The following LRRC4C variants were observed in gnomAD, a reference collection of about 807,000 sequenced individuals.
LRRC4C encodes leucine rich repeat containing 4C.
Under a neutral mutation model 33.6 loss-of-function variants are expected in LRRC4C, and 5 were observed. That is an observed-to-expected ratio of 0.15 (90% CI 0.08 to 0.31). The LOEUF (loss-of-function observed/expected upper bound fraction) is 0.31. Among genes scored for constraint, LRRC4C ranks in the 10% least tolerant of loss-of-function variants. The pLI, the probability that LRRC4C is intolerant of heterozygous loss-of-function variation, is 1.00. For synonymous variants in LRRC4C, 329 were observed against 302.0 expected (o/e 1.09, Z -0.93); for missense variants, 560 against 796.7 (o/e 0.70, Z 3.58).
At chr11:40,121,440 C>G (rs1313920714) in intron 6 of LRRC4C, among the ~76,000 whole-genome samples, 1 of 152,130 alleles carries the variant, frequency 6.6e-6, no homozygotes, top group African/African-American at 2.4e-5. Context: ...ACTTTAATAT[C>G]TAAATTATGT....
Position 40,231,757 on chromosome 11 carries a change from A to C in LRRC4C, c.-96+9762T>G, listed in dbSNP as rs185298065. Among the ~76,000 whole-genome samples, 94 of 152,358 alleles carry C rather than the reference A, an allele frequency of 6.2e-4. 1 individual carries two copies. In the East Asian group the frequency reaches 0.015, roughly 24 times the overall value. ...AGTCTGGTTGTGTGTGTATACACAC[A>C]TACATATTTAATATTTACACAGTTT... On this transcript the variant is annotated intron_variant, in intron 5 of 6. Coordinates refer to ENST00000528697, the MANE Select transcript of LRRC4C (RefSeq NM_001258419.2).
intron 1 of LRRC4C, among the ~76,000 whole-genome samples, chr11:41,207,540 T>C (rs192192272): frequency 1.4e-4 from 21 of 152,218 alleles, no homozygotes; most frequent in Middle Eastern, 6.8e-3. Flanking sequence ...AGTGTCTTTA[T>C]AAGAAGAGGA....
intron 5 of LRRC4C, among the ~76,000 whole-genome samples, chr11:40,199,411 G>C (rs1862526148): frequency 2.6e-5 from 4 of 152,084 alleles, no homozygotes; most frequent in Admixed American, 2.0e-4. Context: ...GGGAAGGAGG[G>C]GTCCCAATTA....
intron 1 of LRRC4C, among the ~76,000 whole-genome samples, chr11:41,264,207 T>C (rs1308971098): frequency 6.6e-5 from 10 of 151,788 alleles, no homozygotes; most frequent in Admixed American, 1.3e-4. Context: ...TGCTCCTGCC[T>C]TAGCCTTCTG....
rs573307717 is a variant in LRRC4C, at chr11:40,755,120, C to T, written c.-406-106842G>A. ...GCATGATAAAGTTTAGCTCAGTTCA[C>T]AGTCATTGCACATTTTAGAATCAGG... On this transcript the variant is annotated intron_variant, in intron 2 of 6. Transcript: ENST00000528697. 3.9e-5 allele frequency among the ~76,000 whole-genome samples: 6 copies of T among 152,190 alleles called. No homozygotes were observed. The East Asian group carries it at 1.2e-3, about 29-fold the overall frequency.
At chr11:41,353,837 CAA>C (rs1199599017) in intron 1 of LRRC4C, among the ~76,000 whole-genome samples, 3 of 151,656 alleles carry the variant, frequency 2.0e-5, no homozygotes, top group Non-Finnish European at 4.4e-5. Flanking sequence ...TGTTAAAAAA[CAA>C]AACAACGCAA....
At chr11:40,131,943 C>A (rs376780758) in intron 6 of LRRC4C, among the ~76,000 whole-genome samples, 120 of 152,206 alleles carry the variant, frequency 7.9e-4, no homozygotes, top group African/African-American at 2.8e-3. Flanking sequence ...TGTACAGTAC[C>A]ATCATGGGTT....
chr11:40,227,525 C>T (rs1270993140), intron 5 of LRRC4C, among the ~76,000 whole-genome samples: 5 of 152,016 alleles, frequency 3.3e-5, no homozygotes, highest in African/African-American at 1.2e-4. Context: ...CATAGGTTGG[C>T]TTGTTTCTGA....
At chr11:40,812,387 G>T (rs912580920) in intron 2 of LRRC4C, among the ~76,000 whole-genome samples, 3 of 152,018 alleles carry the variant, frequency 2.0e-5, no homozygotes, top group Non-Finnish European at 4.4e-5. Flanking sequence ...GATTATGTTT[G>T]CCCAATAAAT....
At chr11:40,762,018 T>G (rs1949240465) in intron 2 of LRRC4C, among the ~76,000 whole-genome samples, 1 of 152,168 alleles carries the variant, frequency 6.6e-6, no homozygotes, top group Non-Finnish European at 1.5e-5. Flanking sequence ...GTGATTAAAT[T>G]AATGGTGGTG....
At position 41,254,815 on chromosome 11, in the gene LRRC4C, C is replaced by T. The variant is rs577114004; in HGVS notation, c.-496+204616G>A. 3.4e-4 allele frequency among the ~76,000 whole-genome samples: 52 copies of T among 152,134 alleles called. 1 individual carries two copies. In the Middle Eastern group the frequency reaches 0.017, roughly 50 times the overall value. ...TGGCAAAGCTTTTTAATTTAAAATG[C>T]TTCTAACCATTCTTGCTTTGCTTCA... is the stretch of plus-strand genomic sequence containing the variant. On this transcript the variant is annotated intron_variant, in intron 1 of 6. Transcript: ENST00000528697.
chr11:40,926,036 T>G (rs539278918), intron 2 of LRRC4C, among the ~76,000 whole-genome samples: 35 of 151,392 alleles, frequency 2.3e-4, no homozygotes, highest in Non-Finnish European at 4.9e-4. Flanking sequence ...TGCTAAAAGG[T>G]GTTTTTTTTT....
At chr11:41,395,000 G>A (rs973786326) in intron 1 of LRRC4C, among the ~76,000 whole-genome samples, 24 of 151,892 alleles carry the variant, frequency 1.6e-4, no homozygotes, top group African/African-American at 5.6e-4. Flanking sequence ...AGAACAGGGG[G>A]CAGCTAGGCT....
At chr11:40,192,431 T>C (rs919158873) in intron 5 of LRRC4C, among the ~76,000 whole-genome samples, 1 of 152,192 alleles carries the variant, frequency 6.6e-6, no homozygotes, top group Non-Finnish European at 1.5e-5. Flanking sequence ...CCAGATACCA[T>C]GTTTATCTCA....
chr11:41,204,197 G>A (rs1242768373), intron 1 of LRRC4C, among the ~76,000 whole-genome samples: 1 of 152,216 alleles, frequency 6.6e-6, no homozygotes, highest in Non-Finnish European at 1.5e-5. Context: ...GAGCCATGAT[G>A]TATACTGCAA....
At chr11:40,951,193 G>T (rs1442290095) in intron 1 of LRRC4C, among the ~76,000 whole-genome samples, 2 of 151,910 alleles carry the variant, frequency 1.3e-5, no homozygotes, top group Non-Finnish European at 2.9e-5. Context: ...CTTTGATGGG[G>T]AAATGTTTTA....
chr11:40,358,682 T>C (rs552522966), intron 3 of LRRC4C, among the ~76,000 whole-genome samples: 3 of 152,270 alleles, frequency 2.0e-5, no homozygotes, highest in South Asian at 4.1e-4. Flanking sequence ...GTGCTTTTCA[T>C]TGAAACTTTT....
intron 3 of LRRC4C, among the ~76,000 whole-genome samples, chr11:40,501,220 G>A (rs1209448803): frequency 6.6e-6 from 1 of 152,124 alleles, no homozygotes; most frequent in Non-Finnish European, 1.5e-5. Flanking sequence ...CCACCTGGCT[G>A]CTTTCACAAG....
intron 4 of LRRC4C, among the ~76,000 whole-genome samples, chr11:40,264,434 A>G (rs144874604): frequency 6.6e-6 from 1 of 152,294 alleles, no homozygotes; most frequent in African/African-American, 2.4e-5. Context: ...TTCGACACCT[A>G]TACTTCTGAC....
Sources: allele counts gnomAD v4.1 joint callset (sites outside exome capture counted in the v4.1 genomes callset), GRCh38; gene constraint gnomAD v4.1.1; transcripts MANE v1.5; gene names NCBI Gene and HGNC (gene_info 2026-07-23, HGNC 2026-07-21).